FRY: variants seen among roughly 807,000 people sequenced by gnomAD.
FRY encodes protein furry homolog.
FRY carries 128 observed loss-of-function variants against 348.4 expected under a neutral mutation model. The ratio of observed to expected loss-of-function variants is 0.37; its 90% CI spans 0.32 to 0.43. The LOEUF is 0.43. FRY is among the 20% of genes least tolerant of loss of function. FRY has a pLI of 1.00. For missense variants in FRY, 2,736 were observed against 3,695.2 expected (o/e 0.74, Z 6.73); for synonymous variants, 1,370 against 1,374.7 (o/e 1.00, Z 0.08).
rs959007619 is a variant in FRY at position 32,295,618 on chromosome 13, C to T, written c.*158C>T. ...CTAAAGAGGATGGCAGAACTTCCAA[C>T]GTGTAGCAATACTATAAGAACCAAG... is the stretch of plus-strand genomic sequence containing the variant. On this transcript the variant is annotated 3_prime_UTR_variant, in exon 61 of 61. Coordinates refer to ENST00000542859, the MANE Select transcript of FRY (RefSeq NM_023037.3). 1.8e-5 allele frequency: 12 copies of T among 684,078 alleles called. No homozygotes were observed. The highest frequency in any genetic ancestry group is 2.7e-5 in the East Asian group (1 of 37,144). The allele number at this position is 684,078 out of a possible 1,614,324, so 42.4% of individuals were successfully genotyped here.
intron 47 of FRY, among the ~76,000 whole-genome samples, chr13:32,245,837 G>A (rs1234932150): frequency 6.6e-6 from 1 of 152,056 alleles, no homozygotes; most frequent in African/African-American, 2.4e-5. Context: ...AATGTACTTT[G>A]TAACTTGTAG....
chr13:32,221,197 C>T (rs1172868470), intron 36 of FRY, among the ~76,000 whole-genome samples: 3 of 152,194 alleles, frequency 2.0e-5, no homozygotes, highest in African/African-American at 7.2e-5. Flanking sequence ...AACAGGAAGA[C>T]ACCCCTCCAC....
At chr13:32,093,393 A>G (rs1318323162) in intron 2 of FRY, among the ~76,000 whole-genome samples, 1 of 151,834 alleles carries the variant, frequency 6.6e-6, no homozygotes, top group Non-Finnish European at 1.5e-5. Flanking sequence ...CTCCCCCTCC[A>G]TTTCTCTTTT....
chr13:32,173,282 G>A (rs1383325084), intron 18 of FRY, 85 bp from the exon 19 acceptor site: 3 of 1,018,116 alleles, frequency 2.9e-6, no homozygotes, highest in Non-Finnish European at 4.7e-6. Context: ...AAGGTCAAAT[G>A]TGCAAAAAAT....
At position 32,237,461 on chromosome 13, in the gene FRY, A is replaced by C. The variant is rs766442520; in HGVS notation, c.5893A>C (p.Thr1965Pro). 2 of 1,614,056 alleles carry C rather than the reference A, an allele frequency of 1.2e-6. No homozygotes were observed. Among genetic ancestry groups the C allele is most frequent in the Non-Finnish European group, 1.7e-6 (2 of 1,180,004 alleles). The change falls in exon 44 of 61, where the codon ACC becomes CCC. Residue 1965 changes from threonine (T) to proline (P), a missense_variant. Around this residue, in one of 9 missense-constraint regions of FRY, gnomAD observed 794 missense variants for 977.0 expected, o/e 0.81. Coordinates refer to ENST00000542859, the MANE Select transcript of FRY (RefSeq NM_023037.3). This position sits in a 1 kb window ranked among gnomAD's most constrained non-coding sequence, Gnocchi z 6.3. ...STGQLNMNPG[T>P]TSGNTATAER... ...AGGACAACTAAACATGAACCCGGGA[A>C]CCACCAGCGGCAACACCGCAACTGC...
intron 53 of FRY, 71 bp downstream of exon 53, chr13:32,262,546 T>G: frequency 8.2e-7 from 1 of 1,213,124 alleles, no homozygotes; most frequent in Non-Finnish European, 1.2e-6. Flanking sequence ...TCCAATTTTC[T>G]GAGAATTCTT....
intron 55 of FRY, among the ~76,000 whole-genome samples, chr13:32,268,581 G>A (rs1275568495): frequency 7.3e-6 from 1 of 136,924 alleles, no homozygotes; most frequent in African/African-American, 2.8e-5. Context: ...AGAAAATAAT[G>A]AAAATTATAC....
At chr13:32,101,394 A>G (rs143599585) in intron 2 of FRY, among the ~76,000 whole-genome samples, 60 of 152,308 alleles carry the variant, frequency 3.9e-4, no homozygotes, top group African/African-American at 1.3e-3. Flanking sequence ...GACTGACTCT[A>G]TATTTTGGTT....
At chr13:32,099,636 C>T (rs1416847180) in intron 2 of FRY, among the ~76,000 whole-genome samples, 4 of 151,980 alleles carry the variant, frequency 2.6e-5, no homozygotes, top group African/African-American at 9.7e-5. Context: ...ACAATAGATA[C>T]TTCAAATCCT....
intron 3 of FRY, among the ~76,000 whole-genome samples, chr13:32,105,479 A>G (rs894164997): frequency 6.6e-6 from 1 of 152,222 alleles, no homozygotes; most frequent in African/African-American, 2.4e-5. Context: ...CCAACAAACT[A>G]TAAGAATTTC....
intron 16 of FRY, among the ~76,000 whole-genome samples, chr13:32,158,422 T>C (rs1881242489): frequency 6.6e-6 from 1 of 152,204 alleles, no homozygotes; most frequent in African/African-American, 2.4e-5. Flanking sequence ...ATTTAAATAG[T>C]ATGAGATGAT....
At chr13:32,274,720 A>T in intron 55 of FRY, 122 bp from the exon 56 acceptor site, 1 of 607,270 alleles carries the variant, frequency 1.6e-6, no homozygotes. Flanking sequence ...AAAAAAAAAA[A>T]AAAAAAAAAT....
rs773080814 is a variant in FRY at position 32,237,494 on chromosome 13, A to AACT, written c.5926_5927insACT (p.Ser1976delinsAsnCys). 4 of 1,614,006 alleles carry AACT rather than the reference A, an allele frequency of 2.5e-6. No homozygotes were observed. In the East Asian group the frequency reaches 8.9e-5, roughly 36 times the overall value. ...CGGCAACACCGCAACTGCCGAACGGAGCCGGCATCAACGAAGCTTCTCTGT... is the reference window on the plus strand; with the variant it reads ...CGGCAACACCGCAACTGCCGAACGGAACTGCCGGCATCAACGAAGCTTCTCTGT... On this transcript the variant is annotated protein_altering_variant, in exon 44 of 61. Transcript: ENST00000542859. This position sits in a 1 kb window ranked among gnomAD's most constrained non-coding sequence, Gnocchi z 6.3.
At chr13:32,096,439 G>GA (rs917506081) in intron 2 of FRY, among the ~76,000 whole-genome samples, 3 of 151,470 alleles carry the variant, frequency 2.0e-5, no homozygotes, top group African/African-American at 7.3e-5. Context: ...GAAAACTGCG[G>GA]GGGGGGGCTT....
intron 3 of FRY, among the ~76,000 whole-genome samples, chr13:32,110,445 C>T (rs1877883333): frequency 6.6e-6 from 1 of 152,084 alleles, no homozygotes; most frequent in African/African-American, 2.4e-5. Context: ...TGAGCGTGGG[C>T]CTGGGTGGGT....
intron 40 of FRY, among the ~76,000 whole-genome samples, chr13:32,229,383 A>G (rs1445198160): frequency 6.6e-6 from 1 of 152,178 alleles, no homozygotes; most frequent in Non-Finnish European, 1.5e-5. Context: ...GTTATCTAAT[A>G]TCTCATGTGA....
intron 2 of FRY, among the ~76,000 whole-genome samples, chr13:32,087,216 C>T (rs1408401168): frequency 6.6e-6 from 1 of 152,198 alleles, no homozygotes; most frequent in African/African-American, 2.4e-5. Context: ...TAAGAACAAA[C>T]CTGTAGGAAC....
At chr13:32,213,489 C>G (rs201166972) in intron 35 of FRY, among the ~76,000 whole-genome samples, 1 of 152,166 alleles carries the variant, frequency 6.6e-6, no homozygotes, top group Non-Finnish European at 1.5e-5. Flanking sequence ...TCTAATAAAG[C>G]CTTTTATTTC....
chr13:32,237,594 G>A lies in FRY; in HGVS notation c.6026G>A (p.Cys2009Tyr). 6.2e-7 allele frequency: 1 copy of A among 1,614,056 alleles called. No individual in the cohort carries two copies. The highest frequency in any genetic ancestry group is 1.1e-5 in the South Asian group (1 of 91,070). ...RSATLDRIQA[C>Y]TQQGLSSKTR... ...GCCACACTGGACAGAATTCAGGCTT[G>A]TACCCAACAAGGCCTCTCCTCAAAA... The change falls in exon 44 of 61, where the codon TGT becomes TAT. Residue 2009 changes from cysteine (C) to tyrosine (Y), a missense_variant. By Grantham distance (194) the Cys-to-Tyr change is radical. Transcript: ENST00000542859. This position sits in a 1 kb window ranked among gnomAD's most constrained non-coding sequence, Gnocchi z 6.3.
Sources: gnomAD v4.1 joint callset for allele counts (sites outside exome capture counted in the v4.1 genomes callset) on GRCh38, gnomAD v4.1.1 for gene constraint, gnomAD v4.1.1 regional missense constraint, Gnocchi (gnomAD v3.1) non-coding constraint, MANE v1.5 for transcripts, NCBI Gene and HGNC (gene_info 2026-07-23, HGNC 2026-07-21) for gene names.